The following SEM1 variants were observed in gnomAD, a reference collection of about 807,000 sequenced individuals.
SEM1 encodes the protein SEM1 26S proteasome subunit, also known as 26S proteasome complex subunit SEM1.
A neutral mutation model predicts 12.7 loss-of-function variants in SEM1; 3 were observed. The observed-to-expected ratio is 0.24, with a 90% CI of 0.11 to 0.61. The LOEUF is 0.61. SEM1 is among the 20% of genes least tolerant of loss of function. The probability of loss-of-function intolerance (pLI) is 0.88; values close to 1 mark genes in which losing one functional copy is unlikely to be tolerated. For synonymous variants in SEM1, 30 were observed against 27.8 expected (o/e 1.08, Z -0.25); for missense variants, 59 against 81.3 (o/e 0.73, Z 1.06).
At chr7:96,540,797 C>T (rs1031322919) in intron 2 of SEM1, among the ~76,000 whole-genome samples, 1 of 151,600 alleles carries the variant, frequency 6.6e-6, no homozygotes, top group Non-Finnish European at 1.5e-5. Flanking sequence ...CCATGAGTAC[C>T]CAATGTTTAG....
chr7:96,571,358 T>A (rs1356711332), intron 2 of SEM1, among the ~76,000 whole-genome samples: 2 of 152,098 alleles, frequency 1.3e-5, no homozygotes, highest in African/African-American at 4.8e-5. Context: ...AAGTCTTTAA[T>A]CCATCTTGAG....
intron 1 of SEM1, among the ~76,000 whole-genome samples, chr7:96,706,691 GCCACTCCCAAAAGAAAGAC>G (rs1444637054): frequency 6.7e-6 from 1 of 150,304 alleles, no homozygotes; most frequent in Non-Finnish European, 1.5e-5. Context: ...ATGTAGCAAC[GCCACTCCCAAAAGAAAGAC>G]CCACTCCCAA....
At chr7:96,680,640 G>A (rs1789582913) in intron 2 of SEM1, among the ~76,000 whole-genome samples, 1 of 152,074 alleles carries the variant, frequency 6.6e-6, no homozygotes, top group Non-Finnish European at 1.5e-5. Context: ...TCTTACAAGG[G>A]TAACAAAGAG....
intron 2 of SEM1, among the ~76,000 whole-genome samples, chr7:96,632,980 T>A (rs1016055861): frequency 1.3e-5 from 2 of 152,044 alleles, no homozygotes; most frequent in African/African-American, 2.4e-5. Context: ...GGTGTAGAGT[T>A]TTTTTAATTT....
intron 1 of SEM1, among the ~76,000 whole-genome samples, chr7:96,700,020 A>C (rs958312082): frequency 3.3e-5 from 5 of 152,184 alleles, no homozygotes; most frequent in Non-Finnish European, 5.9e-5. Flanking sequence ...GGGTAAATTA[A>C]ATTTTTCTGA....
At chr7:96,551,711 A>C (rs1805280043) in intron 2 of SEM1, among the ~76,000 whole-genome samples, 1 of 105,304 alleles carries the variant, frequency 9.5e-6, no homozygotes, top group African/African-American at 3.0e-5. Context: ...GTCTCAAAAA[A>C]AAAAAAAAAA....
intron 2 of SEM1, among the ~76,000 whole-genome samples, chr7:96,508,435 G>A (rs1012425978): frequency 4.6e-5 from 7 of 152,058 alleles, no homozygotes; most frequent in African/African-American, 1.4e-4. Context: ...TGGGGTCAAC[G>A]AGAACAGTGC....
chr7:96,536,574 G>T (rs1291929210), intron 2 of SEM1, among the ~76,000 whole-genome samples: 3 of 151,658 alleles, frequency 2.0e-5, no homozygotes, highest in African/African-American at 7.3e-5. Flanking sequence ...TATTAGTTTT[G>T]CCTCATGTAC....
At chr7:96,518,723 A>T (rs1009890397) in intron 2 of SEM1, among the ~76,000 whole-genome samples, 1 of 152,176 alleles carries the variant, frequency 6.6e-6, no homozygotes, top group Non-Finnish European at 1.5e-5. Flanking sequence ...GCAGGTATGT[A>T]TCTCTTTGCG....
intron 2 of SEM1, among the ~76,000 whole-genome samples, chr7:96,564,794 G>A (rs1488154060): frequency 3.3e-5 from 5 of 151,868 alleles, no homozygotes; most frequent in Admixed American, 2.6e-4. Context: ...GTACTTAGGC[G>A]CTTATATATG....
At chr7:96,659,546 A>C (rs151132868) in intron 2 of SEM1, among the ~76,000 whole-genome samples, 43 of 152,310 alleles carry the variant, frequency 2.8e-4, no homozygotes, top group Admixed American at 1.2e-3. Flanking sequence ...TGAGCAAAGA[A>C]ATGTCTAAAC....
intron 2 of SEM1, among the ~76,000 whole-genome samples, chr7:96,581,136 T>C (rs1806387609): frequency 6.6e-6 from 1 of 152,192 alleles, no homozygotes; most frequent in South Asian, 2.1e-4. Flanking sequence ...CCGTCTTGAA[T>C]TGATTTTTGT....
intron 1 of SEM1, among the ~76,000 whole-genome samples, chr7:96,493,831 C>T (rs1007334473): frequency 6.6e-6 from 1 of 152,184 alleles, no homozygotes. Flanking sequence ...TATGCCATTG[C>T]TTTCTACTCA....
downstream of SEM1, chr7:96,688,687 A>G (rs929455814): frequency 3.1e-4 from 116 of 368,630 alleles, no homozygotes; most frequent in Non-Finnish European, 5.1e-4. Flanking sequence ...TTTACTATCT[A>G]TATATAATAA....
chr7:96,698,790 T>C (rs1234348501), intron 1 of SEM1, among the ~76,000 whole-genome samples: 2 of 152,190 alleles, frequency 1.3e-5, no homozygotes, highest in Non-Finnish European at 1.5e-5. Flanking sequence ...AGTAATGGGA[T>C]TGCTGGGTCA....
At chr7:96,537,903 A>G (rs1804835541) in intron 2 of SEM1, among the ~76,000 whole-genome samples, 2 of 151,870 alleles carry the variant, frequency 1.3e-5, no homozygotes, top group South Asian at 4.1e-4. Context: ...TGCTTCTGGT[A>G]TTCCAATTAT....
At chr7:96,633,621 C>T (rs1333745766) in intron 2 of SEM1, among the ~76,000 whole-genome samples, 1 of 152,008 alleles carries the variant, frequency 6.6e-6, no homozygotes, top group Non-Finnish European at 1.5e-5. Context: ...TTATATTGCA[C>T]TTTTAAACTA....
chr7:96,490,031 C>G lies in SEM1; in HGVS notation c.13-3614G>C, dbSNP rs115074420. 1.9e-4 allele frequency among the ~76,000 whole-genome samples: 29 copies of G among 151,976 alleles called. 1 individual carries two copies. The highest frequency in any genetic ancestry group is 8.8e-5 in the Non-Finnish European group (6 of 68,002). On this transcript the variant is annotated intron_variant, in intron 1 of 3. Transcript: ENST00000356686. ...AGGAGACACACTATTCAATCCTGTA[C>G]GGAACCCTGACTTGACTATAAGATC...
At chr7:96,578,463 T>C (rs1270612693) in intron 2 of SEM1, among the ~76,000 whole-genome samples, 1 of 152,106 alleles carries the variant, frequency 6.6e-6, no homozygotes, top group South Asian at 2.1e-4. Context: ...AGAAAATAAC[T>C]GTCAACCTAG....
Sources: gnomAD v4.1 joint callset for allele counts (sites outside exome capture counted in the v4.1 genomes callset) on GRCh38, gnomAD v4.1.1 for gene constraint, MANE v1.5 for transcripts, NCBI Gene and HGNC (gene_info 2026-07-23, HGNC 2026-07-21) for gene names.